Variants in GNAS observed in about 807,000 individuals in gnomAD.
The protein encoded by GNAS is protein ALEX.
In GNAS, 8 loss-of-function variants were observed where a neutral mutation model predicts 54.5. The ratio of observed to expected loss-of-function variants is 0.15; its 90% confidence interval spans 0.09 to 0.26. The LOEUF (loss-of-function observed/expected upper bound fraction) is 0.26. Ranked by LOEUF, GNAS falls within the 10% of genes least tolerant of loss-of-function variation. The probability of loss-of-function intolerance (pLI) is 1.00; values close to 1 mark genes in which losing one functional copy is unlikely to be tolerated. For missense variants in GNAS, 170 were observed against 529.8 expected, an observed-to-expected ratio of 0.32 and a Z score of 6.67; for synonymous variants, 204 against 191.4, an observed-to-expected ratio of 1.07 and a Z score of -0.54.
Position 58,891,578 on chromosome 20 carries a change from G to A in GNAS, c.-149G>A, listed in dbSNP as rs2089321790. Reference sequence around the variant, plus strand: ...CCGCGCGCCCCGCGGCCCGCGGCCCGCAGTCCGCCCCGCGCGCTCCTTGCC... The same window carrying A: ...CCGCGCGCCCCGCGGCCCGCGGCCCACAGTCCGCCCCGCGCGCTCCTTGCC... On this transcript the variant is annotated 5_prime_UTR_variant, in exon 1 of 13. Coordinates refer to ENST00000371085, the MANE Select transcript of GNAS (RefSeq NM_000516.7). 3.1e-6 allele frequency: 3 copies of A among 968,870 alleles called. No individual in the cohort carries two copies. The highest frequency in any genetic ancestry group is 3.7e-6 in the Non-Finnish European group (3 of 820,798). 60.0% of individuals were successfully genotyped at this position (968,870 alleles called of 1,614,324 possible).
chr20:58,896,861 T>G (rs2090115958), intron 2 of GNAS, among the ~76,000 whole-genome samples: 1 of 152,196 alleles, frequency 6.6e-6, no homozygotes, highest in Admixed American at 6.5e-5. Flanking sequence ...GTGGTAGCGT[T>G]TAATTATACC....
intron 1 of GNAS, among the ~76,000 whole-genome samples, chr20:58,894,354 T>C (rs1008711831): frequency 6.6e-6 from 1 of 152,230 alleles, no homozygotes; most frequent in Admixed American, 6.5e-5. Flanking sequence ...TTACCAGAGT[T>C]AGGCTCATTA....
chr20:58,893,275 TTAAC>T (rs1339241078), intron 1 of GNAS, among the ~76,000 whole-genome samples: 2 of 151,934 alleles, frequency 1.3e-5, no homozygotes, highest in Non-Finnish European at 2.9e-5. Flanking sequence ...TAAAAAAAGG[TTAAC>T]TATAAGGAGA....
chr20:58,889,806 G>A (rs1177131530), upstream of GNAS, among the ~76,000 whole-genome samples: 3 of 151,240 alleles, frequency 2.0e-5, no homozygotes, highest in Admixed American at 6.6e-5. Context: ...ACGGGGGCCG[G>A]GCAGCCCGAG....
rs1463204840 is a variant in GNAS, at chr20:58,857,781, T to C, written c.43+16895T>C. Among the ~76,000 whole-genome samples, 1 of 152,194 alleles carries C rather than the reference T, an allele frequency of 6.6e-6. No homozygotes were observed. The highest frequency in any genetic ancestry group is 1.9e-4 in the East Asian group (1 of 5,202). On this transcript the variant is annotated intron_variant, in intron 1 of 12. Coordinates refer to the GNAS transcript ENST00000306090. The surrounding 1 kb of genome is among the most constrained non-coding windows in gnomAD (Gnocchi z 4.1). ...ATGTTTGGGACCAGTCTTAAGAATATTAGAAGTTTCCTTTGTCTCCCCTTA... is the reference window on the plus strand; with the variant it reads ...ATGTTTGGGACCAGTCTTAAGAATACTAGAAGTTTCCTTTGTCTCCCCTTA...
intron 3 of GNAS, among the ~76,000 whole-genome samples, chr20:58,900,984 TATC>T (rs1460301901): frequency 2.0e-5 from 3 of 152,212 alleles, no homozygotes; most frequent in African/African-American, 4.8e-5. Flanking sequence ...GTTTTCCAAT[TATC>T]ATACTACTGC....
intron 1 of GNAS, among the ~76,000 whole-genome samples, chr20:58,874,500 GAGTGCTTTCACCTT>G (rs2087662813): frequency 1.3e-5 from 2 of 152,266 alleles, no homozygotes; most frequent in African/African-American, 4.8e-5. Flanking sequence ...ATGTACTACA[GAGTGCTTTCACCTT>G]AGTGCTTTCA....
chr20:58,895,527 A>G, intron 1 of GNAS, 85 bp from the exon 2 acceptor site: 1 of 842,308 alleles, frequency 1.2e-6, no homozygotes, highest in South Asian at 1.4e-5. Context: ...GCTTCTATGG[A>G]AAAACAAAAC....
intron 1 of GNAS, chr20:58,842,059 A>G: frequency 2.2e-6 from 1 of 455,452 alleles, no homozygotes; most frequent in Non-Finnish European, 3.6e-6. Context: ...AGCCTTGGGG[A>G]GGGGAGGCGA....
Position 58,844,509 on chromosome 20 carries a change from G to C in GNAS, c.43+3623G>C, listed in dbSNP as rs201615302. 2.0e-5 allele frequency among the ~76,000 whole-genome samples: 3 copies of C among 152,316 alleles called. No individual in the cohort carries two copies. The East Asian group carries it at 5.8e-4, about 29-fold the overall frequency. The stretch of plus-strand genomic sequence containing the variant: ...CGAAAGGCCCAGGGCTAGCAGCCCA[G>C]GTTGCTTCTAGCCATGGTCAAGTGG... On this transcript the variant is annotated intron_variant, in intron 1 of 12. Coordinates refer to the GNAS transcript ENST00000306090.
upstream of GNAS, chr20:58,890,807 T>G (rs1027164660): frequency 6.6e-6 from 1 of 152,308 alleles, no homozygotes; most frequent in Non-Finnish European, 1.5e-5. Context: ...TTTATTCGTG[T>G]TCGTGTGTGT....
chr20:58,890,486 G>A (rs867603388), upstream of GNAS, among the ~76,000 whole-genome samples: 29 of 152,140 alleles, frequency 1.9e-4, 1 homozygote, highest in Middle Eastern at 0.014. Flanking sequence ...CCCTCGTGGT[G>A]TTCCTGGTCT....
chr20:58,871,083 C>T (rs1037430530), intron 1 of GNAS, among the ~76,000 whole-genome samples: 1 of 152,224 alleles, frequency 6.6e-6, no homozygotes, highest in African/African-American at 2.4e-5. Flanking sequence ...TCCATGTTCG[C>T]CATCGTCCTT....
chr20:58,842,660 C>T, intron 1 of GNAS: 2 of 396,628 alleles, frequency 5.0e-6, no homozygotes, highest in East Asian at 7.1e-5. Context: ...TTGGCTTGCC[C>T]CTAAGTCGAA....
In GNAS at chr20:58,891,766, A is replaced by C; in HGVS notation, c.40A>C (p.Asn14His). ...GAACAGTAAGACCGAGGACCAGCGC[A>C]ACGAGGAGAAGGCGCAGCGTGAGGC... Reference protein sequence around the residue: ...LGNSKTEDQRNEEKAQREANK... With the variant: ...LGNSKTEDQRHEEKAQREANK... The change falls in exon 1 of 13, where the codon AAC (asparagine) becomes CAC (histidine). Residue 14 changes from asparagine to histidine, a missense_variant. Asn to His is a moderately conservative substitution (Grantham distance 68, BLOSUM62 1). This residue lies in a region of GNAS where 56 missense variants were observed against 55.7 expected (regional missense o/e 1.01). Coordinates refer to ENST00000371085, the MANE Select transcript of GNAS (RefSeq NM_000516.7). 1 of 1,270,796 alleles carries C rather than the reference A, an allele frequency of 7.9e-7. No homozygotes were observed. Among genetic ancestry groups the C allele is most frequent in the Non-Finnish European group, 1.0e-6 (1 of 968,078 alleles). 78.7% of individuals were successfully genotyped at this position (1,270,796 alleles called of 1,614,324 possible). A position where few individuals can be genotyped will look rare whatever the true frequency, so the allele number is the denominator to read the frequency against.
At chr20:58,876,357 C>A (rs1006231685) in intron 1 of GNAS, among the ~76,000 whole-genome samples, 38 of 152,078 alleles carry the variant, frequency 2.5e-4, no homozygotes, top group African/African-American at 8.4e-4. Context: ...GTCATGGATT[C>A]TAATGGCAGA....
At chr20:58,905,507 G>C (rs2146212816) in intron 6 of GNAS, 27 bp downstream of exon 6, 1 of 1,176,178 alleles carries the variant, frequency 8.5e-7, no homozygotes, top group Non-Finnish European at 1.3e-6. Context: ...CAACCCATCA[G>C]CACATAAAAC....
chr20:58,892,460 A>C (rs1479566028), intron 1 of GNAS: 2 of 108,712 alleles, frequency 1.8e-5, no homozygotes, highest in African/African-American at 7.2e-5. Flanking sequence ...GTGGCCGAGG[A>C]GAGTGGGGGG....
intron 1 of GNAS, among the ~76,000 whole-genome samples, chr20:58,870,020 G>A (rs2087334551): frequency 6.6e-6 from 1 of 152,140 alleles, no homozygotes; most frequent in South Asian, 2.1e-4. Context: ...AAATGATGAG[G>A]TCATCTATTT....
Sources: allele counts gnomAD v4.1 joint callset (sites outside exome capture counted in the v4.1 genomes callset), GRCh38; gene constraint gnomAD v4.1.1; regional missense constraint gnomAD v4.1.1; non-coding constraint Gnocchi (gnomAD v3.1); transcripts MANE v1.5; gene names NCBI Gene and HGNC (gene_info 2026-07-23, HGNC 2026-07-21).